The following DHX35 variants were observed in gnomAD, a reference collection of about 807,000 sequenced individuals.
DHX35 encodes the protein probable ATP-dependent RNA helicase DHX35.
DHX35 carries 84 observed loss-of-function variants against 99.6 expected under a neutral mutation model. The ratio of observed to expected loss-of-function variants is 0.84; its 90% confidence interval spans 0.71 to 1.01. The LOEUF is 1.01. Among genes scored for constraint, DHX35 ranks in the 50% least tolerant of loss-of-function variants. DHX35 has a pLI of 0.00. For missense variants in DHX35, 852 were observed against 888.5 expected (o/e 0.96, Z 0.52); for synonymous variants, 331 against 316.2 (o/e 1.05, Z -0.50).
At chr20:38,978,471 TG>T in intron 3 of DHX35, 1 of 528,704 alleles carries the variant, frequency 1.9e-6, no homozygotes, top group African/African-American at 1.9e-5. Flanking sequence ...TGGAGATAAA[TG>T]ACCCCTGCTC....
intron 1 of DHX35, among the ~76,000 whole-genome samples, chr20:38,964,981 G>A (rs1206650234): frequency 2.6e-5 from 4 of 152,220 alleles, no homozygotes; most frequent in African/African-American, 9.6e-5. Context: ...GTCTAGGTTA[G>A]TGATTCTCTA....
chr20:39,015,009 T>G (rs895848081), intron 14 of DHX35, 75 bp downstream of exon 14: 1 of 1,530,790 alleles, frequency 6.5e-7, no homozygotes, highest in Non-Finnish European at 9.1e-7. Flanking sequence ...ATATTCACTT[T>G]AGGGATTTTA....
intron 5 of DHX35, among the ~76,000 whole-genome samples, chr20:38,990,366 C>T (rs192738270): frequency 6.6e-6 from 1 of 152,250 alleles, no homozygotes; most frequent in Non-Finnish European, 1.5e-5. Context: ...AACCTGAAAA[C>T]AAATTCAGTA....
chr20:38,968,978 T>G, intron 1 of DHX35, 103 bp from the exon 2 acceptor site: 2 of 1,307,916 alleles, frequency 1.5e-6, no homozygotes, highest in Non-Finnish European at 2.0e-6. Context: ...AGATAAAAAG[T>G]ATTGCTTCTT....
At chr20:39,024,084 T>C (rs2086914196) in intron 17 of DHX35, among the ~76,000 whole-genome samples, 2 of 152,222 alleles carry the variant, frequency 1.3e-5, no homozygotes, top group South Asian at 4.1e-4. Context: ...AGGCAACATT[T>C]GAATAGGAAG....
At chr20:38,995,353 C>T (rs937861700) in intron 8 of DHX35, among the ~76,000 whole-genome samples, 13 of 152,120 alleles carry the variant, frequency 8.5e-5, no homozygotes, top group Admixed American at 4.6e-4. Flanking sequence ...GGTGAAACCC[C>T]GTCTCTACTA....
chr20:39,003,893 C>A lies in DHX35; in HGVS notation c.997C>A (p.Arg333Ser), dbSNP rs369791121. The change falls in exon 11 of 22, where the codon CGC (arginine) becomes AGC (serine). Residue 333 changes from arginine (R) to serine (S), a missense_variant. Arg to Ser is a moderately radical substitution (Grantham distance 110, BLOSUM62 -1). Coordinates refer to ENST00000252011, the MANE Select transcript of DHX35 (RefSeq NM_021931.4). ...AATGAAAGTGTTTGAAAGGGTGTCACGCAGTGTCAGAAAGGTGAGACTATC... is the reference window on the plus strand; with the variant it reads ...AATGAAAGTGTTTGAAAGGGTGTCAAGCAGTGTCAGAAAGGTGAGACTATC... ...EQMKVFERVS[R>S]SVRKVIVATN... The A allele has an allele frequency of 6.2e-6, 10 of 1,614,090 alleles. No individual in the cohort carries two copies. The highest frequency in any genetic ancestry group is 8.5e-6 in the Non-Finnish European group (10 of 1,179,996).
intron 8 of DHX35, among the ~76,000 whole-genome samples, chr20:38,995,728 G>A (rs540550422): frequency 7.2e-5 from 11 of 152,218 alleles, no homozygotes; most frequent in Non-Finnish European, 1.3e-4. Context: ...AGGCAGCTAA[G>A]GAGGGAGCCC....
Position 39,023,764 on chromosome 20 carries a change from C to T in DHX35, c.1668C>T (p.Ile556=), listed in dbSNP as rs145532041. The T allele has an allele frequency of 1.9e-6, 3 of 1,613,566 alleles. No homozygotes were observed. The highest frequency in any genetic ancestry group is 2.5e-6 in the Non-Finnish European group (3 of 1,179,580). The change falls in exon 17 of 22, where the codon ATC becomes ATT. Residue 556 remains isoleucine, a synonymous_variant. Transcript: ENST00000252011. Reference sequence around the variant, plus strand: ...TGCTCAATATATATGAAGCATTTATCAAAGTAAGCACAACTACTGCTCGAA... The same window carrying T: ...TGCTCAATATATATGAAGCATTTATTAAAGTAAGCACAACTACTGCTCGAA... ...LTMLNIYEAF[I]KHNKDSKWCQ...
At chr20:39,002,947 C>T (rs2086545895) in intron 10 of DHX35, 79 bp downstream of exon 10, 1 of 1,218,690 alleles carries the variant, frequency 8.2e-7, no homozygotes. Context: ...TTACTTTACT[C>T]AGTCATGTAT....
chr20:39,025,381 T>A, intron 18 of DHX35, 22 bp downstream of exon 18: 1 of 1,610,372 alleles, frequency 6.2e-7, no homozygotes, highest in Non-Finnish European at 8.5e-7. Flanking sequence ...CCGTCCCAGC[T>A]GGTGACCTCC....
At chr20:39,009,749 A>G (rs1568744828) in intron 12 of DHX35, among the ~76,000 whole-genome samples, 1 of 152,068 alleles carries the variant, frequency 6.6e-6, no homozygotes, top group African/African-American at 2.4e-5. Context: ...TCTTCCTGGT[A>G]GGGCATGTAA....
chr20:39,028,666 T>A (rs1386319791), intron 19 of DHX35, among the ~76,000 whole-genome samples, 167 bp downstream of exon 19: 1 of 152,218 alleles, frequency 6.6e-6, no homozygotes, highest in Non-Finnish European at 1.5e-5. Context: ...AAGCAAAATA[T>A]CTTGACTTTC....
chr20:39,030,212 C>T (rs1425752730), intron 19 of DHX35: 2 of 154,088 alleles, frequency 1.3e-5, no homozygotes, highest in East Asian at 3.8e-4. Flanking sequence ...CTCCCGACCT[C>T]AAGTGATCTG....
Position 39,006,130 on chromosome 20 carries a change from T to C in DHX35, c.1012-16T>C, listed in dbSNP as rs554566651. The stretch of plus-strand genomic sequence containing the variant: ...GAATAAAATGAGTTTTATTCTTCTT[T>C]CTGTGGGGAACGTAGGTGATAGTGG... On this transcript the variant is annotated splice_polypyrimidine_tract_variant and intron_variant, in intron 11 of 21. Transcript: ENST00000252011. 9 of 1,603,730 alleles carry C rather than the reference T, an allele frequency of 5.6e-6. No individual in the cohort carries two copies. The highest frequency in any genetic ancestry group is 5.5e-5 in the South Asian group (5 of 90,484).
chr20:39,024,983 C>T (rs1568758099), intron 17 of DHX35, among the ~76,000 whole-genome samples: 1 of 152,120 alleles, frequency 6.6e-6, no homozygotes, highest in Admixed American at 6.6e-5. Context: ...AGATTGAAAC[C>T]GTTTCTGCGT....
At chr20:39,022,714 G>A (rs1428818003) in intron 16 of DHX35, among the ~76,000 whole-genome samples, 3 of 152,242 alleles carry the variant, frequency 2.0e-5, no homozygotes, top group African/African-American at 7.2e-5. Context: ...TCATGGTCAT[G>A]TTGCAGGTGG....
intron 12 of DHX35, among the ~76,000 whole-genome samples, chr20:39,007,187 T>C (rs989738133): frequency 1.3e-5 from 2 of 152,236 alleles, no homozygotes; most frequent in African/African-American, 4.8e-5. Context: ...ATTTGTCTCT[T>C]CTTTTCCTTT....
intron 1 of DHX35, among the ~76,000 whole-genome samples, chr20:38,963,228 C>G (rs895306402): frequency 6.6e-6 from 1 of 152,194 alleles, no homozygotes; most frequent in African/African-American, 2.4e-5. Flanking sequence ...CAAACAGTTT[C>G]TTGTAAAAAA....
Sources: gnomAD v4.1 joint callset for allele counts (sites outside exome capture counted in the v4.1 genomes callset) on GRCh38, gnomAD v4.1.1 for gene constraint, MANE v1.5 for transcripts, NCBI Gene and HGNC (gene_info 2026-07-23, HGNC 2026-07-21) for gene names.